TCERG1: variants seen among roughly 807,000 people sequenced by gnomAD.
The protein encoded by TCERG1 is transcription elongation regulator 1.
TCERG1 carries 37 observed loss-of-function variants against 144.7 expected under a neutral mutation model. That is an observed-to-expected ratio of 0.26 (90% CI 0.20 to 0.34). The LOEUF (loss-of-function observed/expected upper bound fraction) is 0.34, where lower values mean the gene tolerates loss of function less well. Among genes scored for constraint, TCERG1 ranks in the 10% least tolerant of loss-of-function variants. The pLI, the probability that TCERG1 is intolerant of heterozygous loss-of-function variation, is 1.00. For synonymous variants in TCERG1, 492 were observed against 458.2 expected, an observed-to-expected ratio of 1.07 and a Z score of -0.94; for missense variants, 1,027 against 1,380.7, an observed-to-expected ratio of 0.74 and a Z score of 4.06.
intron 9 of TCERG1, among the ~76,000 whole-genome samples, chr5:146,473,617 G>A (rs945537815): frequency 2.0e-5 from 3 of 152,136 alleles, no homozygotes; most frequent in African/African-American, 7.2e-5. Flanking sequence ...CCATCTCTCT[G>A]GTGACTTTAA....
intron 17 of TCERG1, among the ~76,000 whole-genome samples, chr5:146,501,441 A>T (rs1309297345): frequency 6.6e-6 from 1 of 152,254 alleles, no homozygotes; most frequent in Non-Finnish European, 1.5e-5. Flanking sequence ...TTGTTTATAC[A>T]TCACACATTT....
chr5:146,493,062 T>TA (rs771579176), intron 16 of TCERG1, 24 bp downstream of exon 16: 1 of 1,431,556 alleles, frequency 7.0e-7, no homozygotes, highest in Non-Finnish European at 9.7e-7. Context: ...TTCTCTTAAA[T>TA]ATCAAAGTGT....
rs1561638888 is a variant in TCERG1 at position 146,459,030 on chromosome 5, GCAGGCTCAGGCC to G, written c.591_602del (p.Ala239_Gln242del). Reference sequence around the variant, plus strand: ...CCCAGGCGCAGGCTCAGGCCCAGGCGCAGGCTCAGGCCCAGGCACAAGCTCAGGCCCAGGCTC... The same window carrying G: ...CCCAGGCGCAGGCTCAGGCCCAGGCGCAGGCACAAGCTCAGGCCCAGGCTC... On this transcript the variant is annotated inframe_deletion, in exon 4 of 23. Coordinates refer to ENST00000679501, the MANE Select transcript of TCERG1 (RefSeq NM_001382548.1). 1 of 1,606,062 alleles carries G rather than the reference GCAGGCTCAGGCC, an allele frequency of 6.2e-7. No homozygotes were observed. Among genetic ancestry groups the G allele is most frequent in the African/African-American group, 1.4e-5 (1 of 73,158 alleles).
At chr5:146,493,911 T>G (rs1169937025) in intron 16 of TCERG1, among the ~76,000 whole-genome samples, 4 of 152,102 alleles carry the variant, frequency 2.6e-5, no homozygotes, top group Admixed American at 6.5e-5. Flanking sequence ...AAATGGCACT[T>G]ATTATAAACG....
chr5:146,487,740 A>G (rs1388148434), intron 15 of TCERG1, among the ~76,000 whole-genome samples: 1 of 152,058 alleles, frequency 6.6e-6, no homozygotes, highest in African/African-American at 2.4e-5. Context: ...TCAAAAAAAA[A>G]AAAAAAAAAT....
chr5:146,459,778 A>G lies in TCERG1; in HGVS notation c.892+441A>G, dbSNP rs563034572. ...GTGGATAAATGAGTGGGTGGACTAC[A>G]TGGGTATTTATCATGAAGGAAACGG... On this transcript the variant is annotated intron_variant, in intron 4 of 22. Coordinates refer to ENST00000679501, the MANE Select transcript of TCERG1 (RefSeq NM_001382548.1). Among the ~76,000 whole-genome samples the G allele has an allele frequency of 2.4e-4, 36 of 152,358 alleles. No individual in the cohort carries two copies. In the South Asian group the frequency reaches 2.7e-3, roughly 11 times the overall value.
chr5:146,488,466 A>G (rs1451123604), intron 15 of TCERG1, among the ~76,000 whole-genome samples: 1 of 152,198 alleles, frequency 6.6e-6, no homozygotes, highest in African/African-American at 2.4e-5. Context: ...GCCAATAAAT[A>G]TATGAAAAAA....
In TCERG1 at chr5:146,463,860, G is replaced by A. The variant is rs1050601242; in HGVS notation, c.1135+67G>A. The A allele has an allele frequency of 6.3e-6, 10 of 1,593,462 alleles. No individual in the cohort carries two copies. In the Admixed American group the frequency reaches 1.0e-4, roughly 16 times the overall value. ...ATATTGTCAGTTAGTTTGTTCTCAT[G>A]TGTCTGTTGCGTTTGAAATTTGCCT... On this transcript the variant is annotated intron_variant, in intron 5 of 22. Coordinates refer to ENST00000679501, the MANE Select transcript of TCERG1 (RefSeq NM_001382548.1).
At chr5:146,466,452 T>A (rs1422297886) in intron 5 of TCERG1, among the ~76,000 whole-genome samples, 1 of 152,194 alleles carries the variant, frequency 6.6e-6, no homozygotes, top group Non-Finnish European at 1.5e-5. Flanking sequence ...GGAGTTCTAC[T>A]TCTAAAACTA....
rs763186870 is a variant in TCERG1, at chr5:146,463,692, C to G, written c.1034C>G (p.Pro345Arg). 1 of 1,614,234 alleles carries G rather than the reference C, an allele frequency of 6.2e-7. No individual in the cohort carries two copies. The change falls in exon 5 of 23, where the codon CCT becomes CGT. Residue 345 changes from proline (P) to arginine (R), a missense_variant. This residue lies in a region of TCERG1 where 187 missense variants were observed against 169.1 expected (regional missense o/e 1.11). Coordinates refer to ENST00000679501, the MANE Select transcript of TCERG1 (RefSeq NM_001382548.1). ...PHPQTLPPAVPHSVPQPTTAI... is the reference protein window; with the variant it reads ...PHPQTLPPAVRHSVPQPTTAI... ...CCTCAGACGTTACCTCCTGCTGTTC[C>G]TCATTCAGTACCTCAGCCAACAACA...
At chr5:146,506,013 G>T (rs1398689061) in intron 19 of TCERG1, among the ~76,000 whole-genome samples, 1 of 152,114 alleles carries the variant, frequency 6.6e-6, no homozygotes, top group Non-Finnish European at 1.5e-5. Context: ...CTGACCTCAG[G>T]TGATCCACCC....
chr5:146,498,834 A>G, intron 17 of TCERG1, 148 bp downstream of exon 17: 1 of 754,162 alleles, frequency 1.3e-6, no homozygotes, highest in Non-Finnish European at 1.9e-6. Context: ...ATAATTATTT[A>G]TGTATGTATG....
At chr5:146,500,938 G>C (rs1767370457) in intron 17 of TCERG1, among the ~76,000 whole-genome samples, 1 of 150,352 alleles carries the variant, frequency 6.7e-6, no homozygotes, top group Non-Finnish European at 1.5e-5. Context: ...AGCCCAAACA[G>C]TCAAGGTTGC....
In TCERG1 at chr5:146,469,571, T is replaced by C. The variant is rs757331229; in HGVS notation, c.1226T>C (p.Ile409Thr). ...GTATTGCCAGGAATGGCCCCTCCTATCGTACCCATGATACATCCCCAGGTT... is the reference window on the plus strand; with the variant it reads ...GTATTGCCAGGAATGGCCCCTCCTACCGTACCCATGATACATCCCCAGGTT... ...TGVLPGMAPP[I>T]VPMIHPQVAI... The change falls in exon 7 of 23, where the codon ATC becomes ACC. Residue 409 changes from isoleucine (I) to threonine (T), a missense_variant. This residue lies in a region of TCERG1 where 482 missense variants were observed against 632.6 expected (regional missense o/e 0.76). Coordinates refer to ENST00000679501, the MANE Select transcript of TCERG1 (RefSeq NM_001382548.1). 6.8e-6 allele frequency: 11 copies of C among 1,610,510 alleles called. No homozygotes were observed. The highest frequency in any genetic ancestry group is 9.3e-6 in the Non-Finnish European group (11 of 1,178,576).
chr5:146,504,156 G>C, intron 19 of TCERG1, 150 bp downstream of exon 19: 1 of 774,170 alleles, frequency 1.3e-6, no homozygotes. Context: ...CTTGGTATTA[G>C]TACTGTTAGT....
chr5:146,457,629 G>A (rs770311388), intron 3 of TCERG1, among the ~76,000 whole-genome samples: 4 of 152,248 alleles, frequency 2.6e-5, no homozygotes, highest in Non-Finnish European at 5.9e-5. Context: ...CAGGTGTTCA[G>A]CGTAGCTGGT....
Position 146,483,695 on chromosome 5 carries a change from G to A in TCERG1, c.2163+66G>A, listed in dbSNP as rs76235251. On this transcript the variant is annotated intron_variant, in intron 15 of 22. Coordinates refer to ENST00000679501, the MANE Select transcript of TCERG1 (RefSeq NM_001382548.1). ...GCCAACATAGTTTTTAAATTATAAG[G>A]AATAAAGTACCATCCCTTTTTTTTC... is the stretch of plus-strand genomic sequence containing the variant. The A allele has an allele frequency of 5.2e-4, 671 of 1,282,428 alleles. No homozygotes were observed. In the African/African-American group the frequency reaches 8.5e-3, roughly 16 times the overall value. 79.4% of individuals were successfully genotyped at this position (1,282,428 alleles called of 1,614,324 possible). A position where few individuals can be genotyped will look rare whatever the true frequency, so the allele number is the denominator to read the frequency against.
chr5:146,471,844 G>T (rs566255476), intron 9 of TCERG1, among the ~76,000 whole-genome samples: 5 of 152,068 alleles, frequency 3.3e-5, no homozygotes, highest in African/African-American at 1.2e-4. Context: ...TGATCCGCCC[G>T]CCTCGGCCTC....
chr5:146,486,911 C>T (rs1765890997), intron 15 of TCERG1, among the ~76,000 whole-genome samples: 1 of 151,986 alleles, frequency 6.6e-6, no homozygotes, highest in Non-Finnish European at 1.5e-5. Context: ...CTCATCTCTA[C>T]TAAAAATATC....
Sources: allele counts gnomAD v4.1 joint callset (sites outside exome capture counted in the v4.1 genomes callset), GRCh38; gene constraint gnomAD v4.1.1; regional missense constraint gnomAD v4.1.1; transcripts MANE v1.5; gene names NCBI Gene and HGNC (gene_info 2026-07-23, HGNC 2026-07-21).